The following CELF2 variants were observed in gnomAD, a reference collection of about 807,000 sequenced individuals.
The protein encoded by CELF2 is CUG triplet repeat RNA-binding protein 2.
In CELF2, 8 loss-of-function variants were observed where a neutral mutation model predicts 62.6. The observed-to-expected ratio is 0.13, with a 90% CI of 0.07 to 0.23. The LOEUF is 0.23. CELF2 is among the 10% of genes least tolerant of loss of function. CELF2 has a pLI of 1.00. For missense variants in CELF2, 333 were observed against 671.0 expected (o/e 0.50, Z 5.56); for synonymous variants, 258 against 250.0 (o/e 1.03, Z -0.30).
At chr10:10,895,005 T>C (rs2062438890) in intron 1 of CELF2, among the ~76,000 whole-genome samples, 1 of 152,212 alleles carries the variant, frequency 6.6e-6, no homozygotes, top group African/African-American at 2.4e-5. Context: ...TGCTAGCTAC[T>C]ATATGCCTGG....
chr10:10,731,296 T>C, the CELF2 span, among the ~76,000 whole-genome samples: 2 of 152,050 alleles, frequency 1.3e-5, no homozygotes, highest in Non-Finnish European at 2.9e-5. Context: ...ATTTTATTCA[T>C]TGCCCATTTA....
At chr10:10,713,342 G>A in the CELF2 span, among the ~76,000 whole-genome samples, 9 of 152,220 alleles carry the variant, frequency 5.9e-5, no homozygotes, top group Admixed American at 2.6e-4. Context: ...GTGACTCTAC[G>A]GTGTTCATTG....
At chr10:10,782,213 A>G in the CELF2 span, among the ~76,000 whole-genome samples, 1 of 152,230 alleles carries the variant, frequency 6.6e-6, no homozygotes, top group Non-Finnish European at 1.5e-5. Context: ...TATTATAAAG[A>G]CAGAAAAGTC....
At chr10:10,547,243 C>T in the CELF2 span, among the ~76,000 whole-genome samples, 2 of 152,170 alleles carry the variant, frequency 1.3e-5, no homozygotes, top group South Asian at 2.1e-4. Flanking sequence ...TGACAAATTC[C>T]TCACTATTGT....
At chr10:10,596,661 G>A in the CELF2 span, among the ~76,000 whole-genome samples, 36,571 of 152,152 alleles carry the variant, frequency 0.24, 4,949 homozygotes, top group South Asian at 0.51. Context: ...TGGGGTGAGC[G>A]CCTGCAGGGC....
chr10:10,985,197 A>G (rs915680846), intron 2 of CELF2, among the ~76,000 whole-genome samples: 5 of 152,190 alleles, frequency 3.3e-5, no homozygotes, highest in African/African-American at 9.7e-5. Flanking sequence ...ACTCGGGAAT[A>G]TTAAAATGTA....
At chr10:11,042,427 G>A (rs1356297654) in intron 1 of CELF2, among the ~76,000 whole-genome samples, 3 of 152,186 alleles carry the variant, frequency 2.0e-5, no homozygotes, top group Non-Finnish European at 2.9e-5. Flanking sequence ...TCACATTGAT[G>A]TTTCTTCTAA....
intron 1 of CELF2, among the ~76,000 whole-genome samples, chr10:11,101,934 G>C (rs2051793908): frequency 6.6e-6 from 1 of 152,194 alleles, no homozygotes; most frequent in African/African-American, 2.4e-5. Context: ...TTTCCTGGGA[G>C]AAAGCATCAA....
the CELF2 span, among the ~76,000 whole-genome samples, chr10:10,629,991 T>C: frequency 6.6e-6 from 1 of 152,138 alleles, no homozygotes; most frequent in Non-Finnish European, 1.5e-5. Context: ...GTACCTCCTA[T>C]TATTCTGCGT....
chr10:11,048,950 C>T (rs1351859313), intron 1 of CELF2, among the ~76,000 whole-genome samples: 3 of 152,148 alleles, frequency 2.0e-5, no homozygotes, highest in Non-Finnish European at 4.4e-5. Context: ...TGTTTTACAG[C>T]CCCGTCTTTG....
chr10:11,312,897 GCAC>G (rs2094648813), intron 9 of CELF2, among the ~76,000 whole-genome samples: 1 of 152,196 alleles, frequency 6.6e-6, no homozygotes, highest in South Asian at 2.1e-4. Context: ...TCATGCCACT[GCAC>G]TCCAGTCTGG....
At chr10:10,493,714 T>C in the CELF2 span, among the ~76,000 whole-genome samples, 1 of 152,128 alleles carries the variant, frequency 6.6e-6, no homozygotes, top group Non-Finnish European at 1.5e-5. Flanking sequence ...GTATGTTTTG[T>C]AGAGAGAGGG....
At chr10:10,661,386 C>A in the CELF2 span, among the ~76,000 whole-genome samples, 1 of 152,232 alleles carries the variant, frequency 6.6e-6, no homozygotes, top group African/African-American at 2.4e-5. Flanking sequence ...ATAAACACAG[C>A]ACAGTTTATG....
At chr10:10,959,066 G>A (rs1292323272) in intron 2 of CELF2, among the ~76,000 whole-genome samples, 3 of 152,162 alleles carry the variant, frequency 2.0e-5, no homozygotes, top group Non-Finnish European at 1.5e-5. Flanking sequence ...AGACTAGCCT[G>A]ACCAACATGG....
At chr10:11,241,419 C>G (rs1276439892) in intron 3 of CELF2, among the ~76,000 whole-genome samples, 1 of 152,194 alleles carries the variant, frequency 6.6e-6, no homozygotes, top group Non-Finnish European at 1.5e-5. Flanking sequence ...AGGCTGGTCT[C>G]AACCTCCTGA....
intron 1 of CELF2, among the ~76,000 whole-genome samples, chr10:11,124,066 GTA>G (rs2058253072): frequency 6.6e-6 from 1 of 152,162 alleles, no homozygotes; most frequent in South Asian, 2.1e-4. Context: ...GAATTCCCGT[GTA>G]TAAAACCATC....
chr10:11,238,341 A>G (rs376241995), intron 3 of CELF2, among the ~76,000 whole-genome samples: 5 of 152,184 alleles, frequency 3.3e-5, no homozygotes, highest in African/African-American at 1.2e-4. Flanking sequence ...CTATAATCCT[A>G]TAAGGCTTTT....
chr10:11,208,308 G>A (rs1384274674), intron 2 of CELF2, among the ~76,000 whole-genome samples: 3 of 152,176 alleles, frequency 2.0e-5, no homozygotes, highest in Non-Finnish European at 2.9e-5. Flanking sequence ...AAGGCACGCA[G>A]GTTGATGAGA....
At chr10:11,208,256 G>T (rs1589074356) in intron 2 of CELF2, among the ~76,000 whole-genome samples, 1 of 151,830 alleles carries the variant, frequency 6.6e-6, no homozygotes, top group East Asian at 1.9e-4. Context: ...CCCTATGAAG[G>T]TTCACTAAGA....
Sources: gnomAD v4.1 joint callset for allele counts (sites outside exome capture counted in the v4.1 genomes callset) on GRCh38, gnomAD v4.1.1 for gene constraint, MANE v1.5 for transcripts, NCBI Gene and HGNC (gene_info 2026-07-23, HGNC 2026-07-21) for gene names.